MCOLN3: variants seen among roughly 807,000 people sequenced by gnomAD.
MCOLN3 encodes the protein mucolipin-3.
Under a neutral mutation model 69.4 loss-of-function variants are expected in MCOLN3, and 62 were observed. That is an observed-to-expected ratio of 0.89 (90% CI 0.73 to 1.10). The LOEUF (loss-of-function observed/expected upper bound fraction) is 1.10. Among genes scored for constraint, MCOLN3 ranks in the 50% least tolerant of loss-of-function variants. The probability of loss-of-function intolerance (pLI) is 0.00; values close to 1 mark genes in which losing one functional copy is unlikely to be tolerated. For synonymous variants in MCOLN3, 183 were observed against 217.0 expected, an observed-to-expected ratio of 0.84 and a Z score of 1.38; for missense variants, 564 against 656.4, an observed-to-expected ratio of 0.86 and a Z score of 1.54.
intron 7 of MCOLN3, among the ~76,000 whole-genome samples, chr1:85,026,979 C>T (rs1652256543): frequency 6.6e-6 from 1 of 151,878 alleles, no homozygotes. Context: ...GTCTTGAACT[C>T]CTGGTCTCAA....
intron 2 of MCOLN3, among the ~76,000 whole-genome samples, chr1:85,043,434 G>A (rs1203610557): frequency 6.6e-6 from 1 of 151,930 alleles, no homozygotes; most frequent in Non-Finnish European, 1.5e-5. Flanking sequence ...GGAGGCTGAG[G>A]CAGGAGAATC....
At chr1:85,027,666 C>T (rs963102165) in intron 7 of MCOLN3, among the ~76,000 whole-genome samples, 2 of 152,100 alleles carry the variant, frequency 1.3e-5, no homozygotes, top group South Asian at 2.1e-4. Context: ...AGGTTAGTGT[C>T]GGGCAATGTG....
At chr1:85,040,964 C>A (rs1653029557) in intron 3 of MCOLN3, 46 bp downstream of exon 3, 1 of 1,587,576 alleles carries the variant, frequency 6.3e-7, no homozygotes, top group Non-Finnish European at 8.6e-7. Context: ...ACCATTTTTC[C>A]AGTCTGTTCT....
chr1:85,045,562 T>G lies in MCOLN3; in HGVS notation c.-2-200A>C, dbSNP rs371339880. ...ACGTCACTTTTTTATTTGTTTTAATTACAAAGTGAATTTTCACCTAGTTCA... is the reference window on the plus strand; with the variant it reads ...ACGTCACTTTTTTATTTGTTTTAATGACAAAGTGAATTTTCACCTAGTTCA... On this transcript the variant is annotated intron_variant, in intron 1 of 12. Transcript: ENST00000370589. Among the ~76,000 whole-genome samples the G allele has an allele frequency of 7.9e-5, 12 of 152,350 alleles. No individual in the cohort carries two copies. The East Asian group carries it at 1.7e-3, about 22-fold the overall frequency.
intron 3 of MCOLN3, among the ~76,000 whole-genome samples, chr1:85,037,860 C>A (rs1019508402): frequency 6.6e-6 from 1 of 152,160 alleles, no homozygotes; most frequent in Non-Finnish European, 1.5e-5. Flanking sequence ...TCTGGGCATC[C>A]GTCCCTCCTG....
rs1401476404 is a variant in MCOLN3 at position 85,029,215 on chromosome 1, C to T, written c.733-10G>A. On this transcript the variant is annotated splice_polypyrimidine_tract_variant and intron_variant, in intron 6 of 12. Transcript: ENST00000370589. Reference sequence around the variant, plus strand: ...TGTTGTCAAATGTTATCTGTGAAGACAGGAAAACAGTCAAAAACATACTTA... The same window carrying T: ...TGTTGTCAAATGTTATCTGTGAAGATAGGAAAACAGTCAAAAACATACTTA... The T allele has an allele frequency of 6.6e-7, 1 of 1,503,994 alleles. No homozygotes were observed. Among genetic ancestry groups the T allele is most frequent in the East Asian group, 2.3e-5 (1 of 44,312 alleles). The allele number at this position is 1,503,994 out of a possible 1,614,324, so 93.2% of individuals were successfully genotyped here. A position where few individuals can be genotyped will look rare whatever the true frequency, so the allele number is the denominator to read the frequency against.
chr1:85,032,598 TA>T (rs891635751), intron 6 of MCOLN3, 97 bp downstream of exon 6: 114 of 896,682 alleles, frequency 1.3e-4, no homozygotes, highest in African/African-American at 1.2e-3. Context: ...AAACATCCTA[TA>T]TTTTTTTATC....
intron 1 of MCOLN3, among the ~76,000 whole-genome samples, chr1:85,046,419 T>C (rs1653356343): frequency 2.0e-5 from 3 of 152,178 alleles, no homozygotes; most frequent in Admixed American, 2.0e-4. Flanking sequence ...GGATGGATCT[T>C]GGATTTTCCC....
intron 2 of MCOLN3, among the ~76,000 whole-genome samples, chr1:85,041,984 C>A (rs1280792777): frequency 6.6e-6 from 1 of 151,456 alleles, no homozygotes; most frequent in Non-Finnish European, 1.5e-5. Flanking sequence ...ACACACAGCA[C>A]ACACAGGCAC....
chr1:85,020,920 T>C, intron 12 of MCOLN3, 150 bp downstream of exon 12: 1 of 542,032 alleles, frequency 1.8e-6, no homozygotes, highest in South Asian at 3.1e-5. Flanking sequence ...ACTAGTTCTA[T>C]TTATCAATTT....
intron 12 of MCOLN3, 124 bp from the exon 13 acceptor site, chr1:85,019,381 G>C: frequency 1.1e-6 from 1 of 889,250 alleles, no homozygotes; most frequent in Non-Finnish European, 1.7e-6. Context: ...CGTTACTCCT[G>C]AGTACCTGCA....
intron 4 of MCOLN3, among the ~76,000 whole-genome samples, chr1:85,033,802 A>G (rs560842240): frequency 5.9e-5 from 9 of 152,264 alleles, no homozygotes; most frequent in Non-Finnish European, 1.3e-4. Context: ...CCTGAGCCCA[A>G]TTTCAGCACT....
At chr1:85,044,153 C>A (rs1387000839) in intron 2 of MCOLN3, among the ~76,000 whole-genome samples, 1 of 152,180 alleles carries the variant, frequency 6.6e-6, no homozygotes, top group Non-Finnish European at 1.5e-5. Context: ...TGTACTGGAA[C>A]AGGGTAGTCA....
chr1:85,033,082 A>T (rs764428777), intron 4 of MCOLN3, 126 bp from the exon 5 acceptor site: 5 of 871,630 alleles, frequency 5.7e-6, no homozygotes, highest in Non-Finnish European at 8.8e-6. Flanking sequence ...TTTCTGAATT[A>T]AAATTTTAAA....
At chr1:85,038,240 T>C (rs1401564360) in intron 3 of MCOLN3, among the ~76,000 whole-genome samples, 1 of 152,074 alleles carries the variant, frequency 6.6e-6, no homozygotes, top group Admixed American at 6.6e-5. Context: ...GGCAACTGCT[T>C]AGGAGTCCCT....
intron 6 of MCOLN3, 60 bp from the exon 7 acceptor site, chr1:85,029,265 A>G: frequency 1.0e-6 from 1 of 1,002,028 alleles, no homozygotes; most frequent in Non-Finnish European, 1.6e-6. Flanking sequence ...AGAAACCTCT[A>G]CACATTAATT....
At chr1:85,025,874 G>T in intron 9 of MCOLN3, 65 bp downstream of exon 9, 1 of 1,434,346 alleles carries the variant, frequency 7.0e-7, no homozygotes, top group Non-Finnish European at 9.5e-7. Flanking sequence ...CTTACATTCT[G>T]GAAAAATACA....
chr1:85,043,888 G>A (rs1473378884), intron 2 of MCOLN3, among the ~76,000 whole-genome samples: 1 of 151,708 alleles, frequency 6.6e-6, no homozygotes, highest in Non-Finnish European at 1.5e-5. Flanking sequence ...ACCCAGGCTG[G>A]AGTGCAGTGG....
chr1:85,029,012 A>T (rs1652366025), intron 7 of MCOLN3, 94 bp downstream of exon 7: 1 of 778,162 alleles, frequency 1.3e-6, no homozygotes, highest in African/African-American at 1.7e-5. Flanking sequence ...CTAATCTTCT[A>T]TTTGTTGTTC....
Sources: allele counts gnomAD v4.1 joint callset (sites outside exome capture counted in the v4.1 genomes callset), GRCh38; gene constraint gnomAD v4.1.1; transcripts MANE v1.5; gene names NCBI Gene and HGNC (gene_info 2026-07-23, HGNC 2026-07-21).